PDPR: variants seen among roughly 807,000 people sequenced by gnomAD.
The protein encoded by PDPR is pyruvate dehydrogenase phosphatase regulatory subunit.
PDPR carries 50 observed loss-of-function variants against 102.2 expected under a neutral mutation model. The ratio of observed to expected loss-of-function variants is 0.49; its 90% CI spans 0.39 to 0.62. The LOEUF (loss-of-function observed/expected upper bound fraction) is 0.62, where lower values mean the gene tolerates loss of function less well. Ranked by LOEUF, PDPR falls within the 20% of genes least tolerant of loss-of-function variation. The pLI is 0.00. For synonymous variants in PDPR, 259 were observed against 406.0 expected (o/e 0.64, Z 4.35); for missense variants, 625 against 1,098.2 (o/e 0.57, Z 6.09).
chr16:70,142,815 T>A, intron 13 of PDPR, 129 bp downstream of exon 13: 1 of 1,381,980 alleles, frequency 7.2e-7, no homozygotes, highest in African/African-American at 1.4e-5. Flanking sequence ...TCCCAGCACT[T>A]TGGGAGGCCA....
intron 12 of PDPR, 42 bp from the exon 13 acceptor site, chr16:70,142,511 A>G (rs1241394837): frequency 7.4e-6 from 12 of 1,612,918 alleles, no homozygotes; most frequent in African/African-American, 4.0e-5. Flanking sequence ...CACGTGGACT[A>G]CACTAAACTC....
intron 18 of PDPR, 65 bp downstream of exon 18, chr16:70,153,638 GGAA>G (rs1317415442): frequency 2.0e-6 from 3 of 1,466,356 alleles, no homozygotes; most frequent in Non-Finnish European, 2.7e-6. Flanking sequence ...CACTAGACTA[GGAA>G]GAAGAACTGA....
rs769174239 is a variant in PDPR at position 70,153,579 on chromosome 16, G to A, written c.2235+6G>A. 1.3e-6 allele frequency: 2 copies of A among 1,592,544 alleles called. No individual in the cohort carries two copies. Among genetic ancestry groups the A allele is most frequent in the African/African-American group, 1.3e-5 (1 of 74,458 alleles). On this transcript the variant is annotated splice_donor_region_variant and intron_variant, in intron 18 of 18. Coordinates refer to ENST00000288050, the MANE Select transcript of PDPR (RefSeq NM_017990.5). ...CTCGGGTGAAATTAGAGAAGGTACTGTGTTTACCCAGACTCCACTTTCACT... is the reference window on the plus strand; with the variant it reads ...CTCGGGTGAAATTAGAGAAGGTACTATGTTTACCCAGACTCCACTTTCACT...
chr16:70,152,646 T>G (rs1284533307), intron 17 of PDPR, among the ~76,000 whole-genome samples: 1 of 152,302 alleles, frequency 6.6e-6, no homozygotes, highest in African/African-American at 2.4e-5. Context: ...CCACTGAAGC[T>G]GGTTCTTTGC....
intron 4 of PDPR, among the ~76,000 whole-genome samples, chr16:70,128,133 A>T (rs1470159072): frequency 2.0e-5 from 3 of 152,224 alleles, no homozygotes; most frequent in Non-Finnish European, 4.4e-5. Flanking sequence ...TTTGCCAGGG[A>T]TTACACTCCC....
chr16:70,138,708 T>C (rs1965417765), intron 10 of PDPR, among the ~76,000 whole-genome samples, 191 bp from the exon 11 acceptor site: 1 of 152,278 alleles, frequency 6.6e-6, no homozygotes, highest in Non-Finnish European at 1.5e-5. Flanking sequence ...AAAATCCTCA[T>C]AGTAGTCTTT....
chr16:70,128,555 C>A (rs1349500776), intron 4 of PDPR, among the ~76,000 whole-genome samples: 1 of 152,252 alleles, frequency 6.6e-6, no homozygotes, highest in Admixed American at 6.5e-5. Context: ...CTCACAACCT[C>A]ACAAAACTGT....
intron 11 of PDPR, among the ~76,000 whole-genome samples, chr16:70,141,264 G>A (rs1347967425): frequency 5.9e-5 from 9 of 152,240 alleles, no homozygotes; most frequent in Non-Finnish European, 1.2e-4. Context: ...ACATTGGTCA[G>A]GCTGATCTTG....
chr16:70,140,005 G>T (rs563524324), intron 11 of PDPR, among the ~76,000 whole-genome samples: 1 of 152,358 alleles, frequency 6.6e-6, no homozygotes, highest in South Asian at 2.1e-4. Context: ...ATGTTTAACT[G>T]CTAAGGTTCT....
chr16:70,118,639 A>G (rs1162044097), intron 2 of PDPR, among the ~76,000 whole-genome samples: 1 of 152,144 alleles, frequency 6.6e-6, no homozygotes, highest in Non-Finnish European at 1.5e-5. Context: ...TGGGAAAGGT[A>G]TTCTGGAGGG....
upstream of PDPR, chr16:70,114,288 G>C (rs1331612168): frequency 6.6e-6 from 1 of 152,182 alleles, no homozygotes; most frequent in Non-Finnish European, 1.5e-5. Context: ...TCGCGGTCTC[G>C]GCTTCCCCGG....
In PDPR at chr16:70,160,416, C is replaced by T. The variant is rs1967668191; in HGVS notation, c.*3537C>T. 6.5e-6 allele frequency: 1 copy of T among 152,938 alleles called. No homozygotes were observed. Among genetic ancestry groups the T allele is most frequent in the Non-Finnish European group, 1.5e-5 (1 of 68,568 alleles). 9.5% of individuals were successfully genotyped at this position (152,938 alleles called of 1,614,324 possible). ...ACCTTGTATGATGGCAGGACAGGCT[C>T]CAGCAGAGAGAACTGCACAGTGACC... On this transcript the variant is annotated 3_prime_UTR_variant, in exon 19 of 19. Transcript: ENST00000288050.
chr16:70,138,098 A>G (rs1411137074), intron 10 of PDPR, among the ~76,000 whole-genome samples: 1 of 148,468 alleles, frequency 6.7e-6, no homozygotes, highest in Non-Finnish European at 1.5e-5. Context: ...CTGGAGTGCA[A>G]TGGCACAATC....
At chr16:70,156,220 G>C (rs1597387571) in intron 18 of PDPR, 2 of 537,314 alleles carry the variant, frequency 3.7e-6, no homozygotes, top group Admixed American at 3.5e-5. Flanking sequence ...ATCTGGTCTT[G>C]TGACTTTATG....
intron 9 of PDPR, among the ~76,000 whole-genome samples, chr16:70,135,658 T>C (rs1439362888): frequency 6.6e-6 from 1 of 152,286 alleles, no homozygotes; most frequent in Non-Finnish European, 1.5e-5. Context: ...GCTGCTTTCC[T>C]TTCTAACCAA....
At chr16:70,137,787 T>C (rs551571382) in intron 10 of PDPR, among the ~76,000 whole-genome samples, 4 of 152,414 alleles carry the variant, frequency 2.6e-5, no homozygotes, top group Admixed American at 2.6e-4. Flanking sequence ...GTCACGTAAC[T>C]GTATAATCTT....
At chr16:70,128,221 GTCTTTTTTTTTTT>G (rs1964173509) in intron 4 of PDPR, among the ~76,000 whole-genome samples, 2 of 148,302 alleles carry the variant, frequency 1.3e-5, no homozygotes, top group Non-Finnish European at 2.9e-5. Context: ...GCCCAAAACT[GTCTTTTTTTTTTT>G]TCTTTTTTTT....
intron 9 of PDPR, among the ~76,000 whole-genome samples, chr16:70,135,300 G>A (rs536974826): frequency 1.3e-5 from 2 of 149,536 alleles, no homozygotes; most frequent in South Asian, 2.1e-4. Flanking sequence ...GCAGTGTCAC[G>A]ATCTCTGCTC....
In PDPR at chr16:70,118,231, G is replaced by C. The variant is rs560874901; in HGVS notation, c.-32-2230G>C. Among the ~76,000 whole-genome samples, 6 of 152,366 alleles carry C rather than the reference G, an allele frequency of 3.9e-5. No individual in the cohort carries two copies. The South Asian group carries it at 1.2e-3, about 32-fold the overall frequency. The stretch of plus-strand genomic sequence containing the variant: ...AGTGGGATCCAGGGCCCTTGGGGGA[G>C]ATTAACTTTCCAGTGGATAAAAGAA... On this transcript the variant is annotated intron_variant, in intron 2 of 18. Coordinates refer to ENST00000288050, the MANE Select transcript of PDPR (RefSeq NM_017990.5).
Sources: gnomAD v4.1 joint callset for allele counts (sites outside exome capture counted in the v4.1 genomes callset) on GRCh38, gnomAD v4.1.1 for gene constraint, MANE v1.5 for transcripts, NCBI Gene and HGNC (gene_info 2026-07-23, HGNC 2026-07-21) for gene names.